The following RAPGEF1 variants were observed in gnomAD, a reference collection of about 807,000 sequenced individuals.
The protein encoded by RAPGEF1 is Rap guanine nucleotide exchange factor 1, also known as CRK SH3-binding GNRP.
Under a neutral mutation model 143.3 loss-of-function variants are expected in RAPGEF1, and 33 were observed. That is an observed-to-expected ratio of 0.23 (90% CI 0.17 to 0.31). The LOEUF (loss-of-function observed/expected upper bound fraction) is 0.31. Ranked by LOEUF, RAPGEF1 falls within the 10% of genes least tolerant of loss-of-function variation. RAPGEF1 has a pLI of 1.00. For missense variants in RAPGEF1, 1,199 were observed against 1,645.4 expected (o/e 0.73, Z 4.69); for synonymous variants, 629 against 676.5 (o/e 0.93, Z 1.09).
intron 1 of RAPGEF1, among the ~76,000 whole-genome samples, chr9:131,669,212 G>C (rs1364153961): frequency 6.6e-6 from 1 of 152,176 alleles, no homozygotes; most frequent in Non-Finnish European, 1.5e-5. Context: ...GCCACCCTCT[G>C]GGCCTCCAGA....
chr9:131,586,108 G>A (rs1053972942), intron 22 of RAPGEF1, among the ~76,000 whole-genome samples: 1 of 152,018 alleles, frequency 6.6e-6, no homozygotes, highest in Non-Finnish European at 1.5e-5. Context: ...GAACCCGGGA[G>A]GTGGAGCTTG....
intron 4 of RAPGEF1, among the ~76,000 whole-genome samples, chr9:131,642,945 C>T (rs189051264): frequency 2.0e-5 from 3 of 152,146 alleles, no homozygotes; most frequent in East Asian, 1.9e-4. Flanking sequence ...GCTCCATGTC[C>T]GGGAGGCGTC....
chr9:131,708,318 C>G (rs1049064918), intron 1 of RAPGEF1, among the ~76,000 whole-genome samples: 10 of 152,202 alleles, frequency 6.6e-5, no homozygotes, highest in African/African-American at 2.4e-4. Context: ...TGAAGTCTCG[C>G]ATATGTCATC....
intron 1 of RAPGEF1, among the ~76,000 whole-genome samples, chr9:131,686,387 C>T (rs910403867): frequency 6.6e-6 from 1 of 152,150 alleles, no homozygotes; most frequent in Non-Finnish European, 1.5e-5. Flanking sequence ...TGTGGGTCTC[C>T]GACAAGGATT....
At chr9:131,664,642 AC>A (rs1171739437) in intron 1 of RAPGEF1, among the ~76,000 whole-genome samples, 4 of 152,326 alleles carry the variant, frequency 2.6e-5, no homozygotes, top group African/African-American at 9.6e-5. Context: ...CAGAATTGCT[AC>A]ACGAATATCA....
Position 131,584,343 on chromosome 9 carries a change from G to A in RAPGEF1, c.3382C>T (p.Arg1128Cys), listed in dbSNP as rs1952364428. 3.7e-6 allele frequency: 6 copies of A among 1,613,432 alleles called. No individual in the cohort carries two copies. Among genetic ancestry groups the A allele is most frequent in the East Asian group, 2.2e-5 (1 of 44,844 alleles). Residue 1128 changes from arginine (R) to cysteine (C), a missense_variant, in exon 24 of 27, where the codon CGC becomes TGC. Arg to Cys is a radical substitution (Grantham distance 180, BLOSUM62 -3). This residue lies in a region of RAPGEF1 where 209 missense variants were observed against 403.0 expected (regional missense o/e 0.52). Transcript: ENST00000683357. This position sits in a 1 kb window ranked among gnomAD's most constrained non-coding sequence, Gnocchi z 6.8. ...GTCTGCTTCTGCCACTCCAGCCTGC[G>A]GATGGGCGCCGAGTCCAGGGCAGAG... ...ILSALDSAPI[R>C]RLEWQKQTSE...
At chr9:131,668,257 CAG>C (rs1830755422) in intron 1 of RAPGEF1, among the ~76,000 whole-genome samples, 1 of 152,210 alleles carries the variant, frequency 6.6e-6, no homozygotes, top group South Asian at 2.1e-4. Flanking sequence ...CTCTGAGACT[CAG>C]AGCGGCTTCC....
chr9:131,626,803 T>C (rs1047286867), intron 9 of RAPGEF1, among the ~76,000 whole-genome samples: 2 of 152,212 alleles, frequency 1.3e-5, no homozygotes, highest in Admixed American at 1.3e-4. Flanking sequence ...AATTCCTTTT[T>C]GAAAAAGCCT....
At chr9:131,633,343 G>C (rs912857720) in intron 5 of RAPGEF1, among the ~76,000 whole-genome samples, 1 of 152,128 alleles carries the variant, frequency 6.6e-6, no homozygotes, top group Non-Finnish European at 1.5e-5. Flanking sequence ...AAAGCACAAC[G>C]CCAGGCCCCA....
At chr9:131,608,207 C>T (rs2132577043) in intron 12 of RAPGEF1, among the ~76,000 whole-genome samples, 1 of 152,350 alleles carries the variant, frequency 6.6e-6, no homozygotes, top group South Asian at 2.1e-4. Context: ...CGTGCAAGTC[C>T]TCCGCATGGT....
intron 12 of RAPGEF1, among the ~76,000 whole-genome samples, chr9:131,613,928 G>C (rs1323688225): frequency 6.6e-6 from 1 of 152,180 alleles, no homozygotes; most frequent in East Asian, 1.9e-4. Context: ...CCCAAGAATG[G>C]AGGACAGTCC....
chr9:131,586,569 AAC>A (rs777915422), intron 22 of RAPGEF1, among the ~76,000 whole-genome samples: 2 of 26,160 alleles, frequency 7.6e-5, no homozygotes, highest in Non-Finnish European at 1.3e-4. Context: ...CTCCGTCTCA[AAC>A]ACACACACAC....
At chr9:131,619,694 G>A (rs764324304) in intron 11 of RAPGEF1, among the ~76,000 whole-genome samples, 1 of 152,212 alleles carries the variant, frequency 6.6e-6, no homozygotes, top group African/African-American at 2.4e-5. Context: ...TAACCCTAGT[G>A]TCTCCTGTAC....
intron 1 of RAPGEF1, among the ~76,000 whole-genome samples, chr9:131,709,304 C>T (rs1436546772): frequency 1.3e-5 from 2 of 152,286 alleles, no homozygotes; most frequent in Admixed American, 6.5e-5. Context: ...TGAGATCATG[C>T]CACTGCATTC....
intron 12 of RAPGEF1, among the ~76,000 whole-genome samples, chr9:131,616,304 C>G (rs775334331): frequency 7.9e-5 from 12 of 152,088 alleles, no homozygotes; most frequent in Non-Finnish European, 1.8e-4. Context: ...ATGACGCACT[C>G]AGACCCAAAA....
rs1208720686 is a variant in RAPGEF1, at chr9:131,603,981, C to T, written c.2392G>A (p.Glu798Lys). The change falls in exon 14 of 27, where the codon GAG becomes AAG. Residue 798 changes from glutamate (E) to lysine (K), a missense_variant. By Grantham distance (56) the Glu-to-Lys change is moderately conservative (BLOSUM62 1). This residue lies in a region of RAPGEF1 where 293 missense variants were observed against 356.2 expected (regional missense o/e 0.82). Transcript: ENST00000683357. ...NLYSSGQSSEELAPSRGEPPA... is the reference protein window; with the variant it reads ...NLYSSGQSSEKLAPSRGEPPA... ...CTTACTCCTCGAGAGGGAGCCAGCT[C>T]CTCGCTGCTCTGGCCAGAGGAATAC... is the stretch of plus-strand genomic sequence containing the variant. The T allele has an allele frequency of 2.3e-6, 3 of 1,332,078 alleles. 1 individual carries two copies. In the South Asian group the frequency reaches 3.6e-5, roughly 16 times the overall value. 82.5% of individuals were successfully genotyped at this position (1,332,078 alleles called of 1,614,324 possible). A position where few individuals can be genotyped will look rare whatever the true frequency, so the allele number is the denominator to read the frequency against.
At chr9:131,603,146 C>G (rs528575478) in intron 14 of RAPGEF1, among the ~76,000 whole-genome samples, 1 of 152,202 alleles carries the variant, frequency 6.6e-6, no homozygotes, top group African/African-American at 2.4e-5. Flanking sequence ...GGCCTCTGAA[C>G]CCCTGTGGGG....
chr9:131,595,866 A>T (rs920340395), intron 17 of RAPGEF1, among the ~76,000 whole-genome samples: 1 of 152,234 alleles, frequency 6.6e-6, no homozygotes, highest in Non-Finnish European at 1.5e-5. Flanking sequence ...ACAAACCTTC[A>T]AGAATTTCCT....
chr9:131,655,683 G>A lies in RAPGEF1; in HGVS notation c.62-4734C>T, dbSNP rs1972260406. ...AGGCAGGAGAATGGCGTGAATCCAGGAGGCAGAGCATGCAGTGCAAGATTG... is the reference window on the plus strand; with the variant it reads ...AGGCAGGAGAATGGCGTGAATCCAGAAGGCAGAGCATGCAGTGCAAGATTG... On this transcript the variant is annotated intron_variant, in intron 1 of 26. Transcript: ENST00000683357. This position sits in a 1 kb window ranked among gnomAD's most constrained non-coding sequence, Gnocchi z 4.1. Among the ~76,000 whole-genome samples, 1 of 152,168 alleles carries A rather than the reference G, an allele frequency of 6.6e-6. No homozygotes were observed. Among genetic ancestry groups the A allele is most frequent in the African/African-American group, 2.4e-5 (1 of 41,424 alleles).
Sources: allele counts gnomAD v4.1 joint callset (sites outside exome capture counted in the v4.1 genomes callset), GRCh38; gene constraint gnomAD v4.1.1; regional missense constraint gnomAD v4.1.1; non-coding constraint Gnocchi (gnomAD v3.1); transcripts MANE v1.5; gene names NCBI Gene and HGNC (gene_info 2026-07-23, HGNC 2026-07-21).